The following FBXO42 variants were observed in gnomAD, a reference collection of about 807,000 sequenced individuals.
FBXO42 encodes F-box protein 42, also known as F-box only protein 42.
A neutral mutation model predicts 71.7 loss-of-function variants in FBXO42; 12 were observed. The observed-to-expected ratio is 0.17, with a 90% CI of 0.11 to 0.27. The LOEUF (loss-of-function observed/expected upper bound fraction) is 0.27, where lower values mean the gene tolerates loss of function less well. Ranked by LOEUF, FBXO42 falls within the 10% of genes least tolerant of loss-of-function variation. The pLI is 1.00. For missense variants in FBXO42, 707 were observed against 911.9 expected, an observed-to-expected ratio of 0.78 and a Z score of 2.89; for synonymous variants, 325 against 327.5, an observed-to-expected ratio of 0.99 and a Z score of 0.08.
At chr1:16,290,285 T>A (rs2082064230) in intron 4 of FBXO42, among the ~76,000 whole-genome samples, 1 of 152,118 alleles carries the variant, frequency 6.6e-6, no homozygotes, top group African/African-American at 2.4e-5. Flanking sequence ...ACCAAATCCA[T>A]ATGGTGAAGC....
chr1:16,352,069 GTCC>G (rs2082707147), intron 1 of FBXO42, among the ~76,000 whole-genome samples, 183 bp downstream of exon 1: 1 of 152,102 alleles, frequency 6.6e-6, no homozygotes, highest in Admixed American at 6.5e-5. Context: ...GAAAGGAGCT[GTCC>G]TCCTCCTCGC....
At chr1:16,288,449 TAAAA>T (rs60893410) in intron 4 of FBXO42, among the ~76,000 whole-genome samples, 1 of 148,948 alleles carries the variant, frequency 6.7e-6, no homozygotes, top group African/African-American at 2.5e-5. Flanking sequence ...AAAATAAAAA[TAAAA>T]ATAATAATAA....
At chr1:16,260,775 C>T in intron 4 of FBXO42, among the ~76,000 whole-genome samples, 1 of 152,148 alleles carries the variant, frequency 6.6e-6, no homozygotes. Context: ...TCATGGCTCA[C>T]TGCACTTCTG....
intron 3 of FBXO42, among the ~76,000 whole-genome samples, 162 bp from the exon 4 acceptor site, chr1:16,295,079 TA>T (rs1438670202): frequency 6.6e-6 from 1 of 152,222 alleles, no homozygotes; most frequent in Non-Finnish European, 1.5e-5. Flanking sequence ...TGGATCAATA[TA>T]TTACCCTTTA....
At position 16,248,848 on chromosome 1, in the gene FBXO42, C is replaced by T. The variant is rs41301993; in HGVS notation, c.*1822G>A. 7.7e-3 allele frequency: 1,173 copies of T among 152,420 alleles called. 3 individuals carry two copies. The highest frequency in any genetic ancestry group is 0.012 in the Non-Finnish European group (829 of 68,060). 9.4% of individuals were successfully genotyped at this position (152,420 alleles called of 1,614,324 possible). A position where few individuals can be genotyped will look rare whatever the true frequency, so the allele number is the denominator to read the frequency against. The stretch of plus-strand genomic sequence containing the variant: ...AACACAAAGAGCAGTTTCTGGAACA[C>T]ATACCCCTCCCCACAAGCTAGGCTT... On this transcript the variant is annotated 3_prime_UTR_variant, in exon 10 of 10. Transcript: ENST00000375592.
chr1:16,324,274 AC>A (rs1319694848), intron 1 of FBXO42, among the ~76,000 whole-genome samples: 1 of 152,202 alleles, frequency 6.6e-6, no homozygotes, highest in African/African-American at 2.4e-5. Flanking sequence ...TATTAAAAAC[AC>A]AAAAAGAAAA....
intron 4 of FBXO42, 172 bp downstream of exon 4, chr1:16,294,611 A>C (rs1011220841): frequency 3.0e-6 from 2 of 664,670 alleles, no homozygotes; most frequent in Non-Finnish European, 4.9e-6. Context: ...TTTAACAAAA[A>C]ACAAAGACTT....
chr1:16,301,473 G>C (rs34545443), intron 3 of FBXO42, among the ~76,000 whole-genome samples: 41,362 of 151,510 alleles, frequency 0.27, 6,540 homozygotes, highest in Non-Finnish European at 0.37. Context: ...GACCAGACTG[G>C]GCAATAGGGC....
intron 1 of FBXO42, among the ~76,000 whole-genome samples, chr1:16,320,327 C>T (rs1380641640): frequency 6.9e-6 from 1 of 144,288 alleles, no homozygotes; most frequent in African/African-American, 2.6e-5. Flanking sequence ...TGCCACCGCA[C>T]TCTAGCCTGG....
intron 4 of FBXO42, among the ~76,000 whole-genome samples, chr1:16,287,463 T>C (rs953862426): frequency 2.0e-5 from 3 of 152,232 alleles, no homozygotes; most frequent in African/African-American, 4.8e-5. Context: ...GAGATGTTTG[T>C]CAGTTATTGA....
At chr1:16,330,099 C>T (rs2082485464) in intron 1 of FBXO42, among the ~76,000 whole-genome samples, 1 of 152,230 alleles carries the variant, frequency 6.6e-6, no homozygotes, top group South Asian at 2.1e-4. Context: ...TATTATCACA[C>T]AATGTAGCTA....
intron 4 of FBXO42, among the ~76,000 whole-genome samples, chr1:16,282,220 CTT>C (rs58853820): frequency 5.9e-5 from 8 of 136,278 alleles, no homozygotes; most frequent in African/African-American, 2.9e-5. Flanking sequence ...GAGACATTTT[CTT>C]TTTTTTTTTT....
rs886428801 is a variant in FBXO42 at position 16,352,434 on chromosome 1, G to A, written c.-197C>T. On this transcript the variant is annotated 5_prime_UTR_variant, in exon 1 of 10. Transcript: ENST00000375592. ...CGCCATCTTCCTCCACTCAAACGCCGCCGCCGCCGCAGCTGCTGCTGCTCA... is the reference window on the plus strand; with the variant it reads ...CGCCATCTTCCTCCACTCAAACGCCACCGCCGCCGCAGCTGCTGCTGCTCA... 22 of 398,682 alleles carry A rather than the reference G, an allele frequency of 5.5e-5. No homozygotes were observed. The highest frequency in any genetic ancestry group is 9.7e-5 in the Non-Finnish European group (22 of 226,520). The allele number at this position is 398,682 out of a possible 1,614,324, so 24.7% of individuals were successfully genotyped here. A position where few individuals can be genotyped will look rare whatever the true frequency, so the allele number is the denominator to read the frequency against.
chr1:16,258,308 C>T (rs188521715), intron 4 of FBXO42, among the ~76,000 whole-genome samples: 1 of 151,946 alleles, frequency 6.6e-6, no homozygotes, highest in African/African-American at 2.4e-5. Flanking sequence ...CTGAAGAGTA[C>T]AGGGTGAGCA....
chr1:16,255,307 G>A (rs2081629176), intron 6 of FBXO42, among the ~76,000 whole-genome samples: 1 of 151,612 alleles, frequency 6.6e-6, no homozygotes, highest in Admixed American at 6.6e-5. Context: ...ATTAATTAGA[G>A]CCATGCTCAG....
chr1:16,271,258 G>GTGTGTGTGT (rs2081841264), intron 4 of FBXO42, among the ~76,000 whole-genome samples: 1 of 137,426 alleles, frequency 7.3e-6, no homozygotes, highest in Admixed American at 7.5e-5. Context: ...TGTGTGTGTT[G>GTGTGTGTGT]GTGTGTGTGT....
chr1:16,337,839 G>A (rs573042619), intron 1 of FBXO42, among the ~76,000 whole-genome samples: 200 of 115,040 alleles, frequency 1.7e-3, no homozygotes, highest in African/African-American at 6.3e-3. Flanking sequence ...AGTGGAGATC[G>A]CGCCACTGTA....
At position 16,256,721 on chromosome 1, in the gene FBXO42, C is replaced by T. The variant is rs372330593; in HGVS notation, c.541G>A (p.Val181Met). Residue 181 changes from valine to methionine, a missense_variant, in exon 5 of 10, where the codon GTG (valine) becomes ATG (methionine). Around this residue, in one of 5 missense-constraint regions of FBXO42, gnomAD observed 188 missense variants for 230.5 expected, o/e 0.82. Transcript: ENST00000375592. ...PSPKAGATLV[V>M]YKDLLVLFGG... is the part of the protein sequence containing the mutation. The stretch of plus-strand genomic sequence containing the variant: ...AACAGCACTAGCAAGTCCTTGTACA[C>T]GACCAGAGTTGCTCCAGCTTTGGGG... 9.9e-5 allele frequency: 159 copies of T among 1,614,018 alleles called. 1 individual carries two copies. Among genetic ancestry groups the T allele is most frequent in the Admixed American group, 6.0e-4 (36 of 59,996 alleles).
intron 1 of FBXO42, among the ~76,000 whole-genome samples, chr1:16,320,696 T>C (rs1212092944): frequency 6.6e-6 from 1 of 151,636 alleles, no homozygotes; most frequent in Non-Finnish European, 1.5e-5. Flanking sequence ...TCTCGCTCTG[T>C]GCCCCAGACT....
Sources: allele counts gnomAD v4.1 joint callset (sites outside exome capture counted in the v4.1 genomes callset), GRCh38; gene constraint gnomAD v4.1.1; regional missense constraint gnomAD v4.1.1; transcripts MANE v1.5; gene names NCBI Gene and HGNC (gene_info 2026-07-23, HGNC 2026-07-21).